FBXL17: variants seen among roughly 807,000 people sequenced by gnomAD.
FBXL17 encodes F-box and leucine rich repeat protein 17.
FBXL17 carries 22 observed loss-of-function variants against 66.2 expected under a neutral mutation model. That is an observed-to-expected ratio of 0.33 (90% CI 0.24 to 0.47). FBXL17 has a LOEUF of 0.47. FBXL17 is among the 20% of genes least tolerant of loss of function. The pLI is 1.00. For synonymous variants in FBXL17, 474 were observed against 400.5 expected, an observed-to-expected ratio of 1.18 and a Z score of -2.19; for missense variants, 878 against 948.2, an observed-to-expected ratio of 0.93 and a Z score of 0.97.
At chr5:108,277,390 A>C (rs1317377475) in intron 4 of FBXL17, among the ~76,000 whole-genome samples, 2 of 152,188 alleles carry the variant, frequency 1.3e-5, no homozygotes, top group African/African-American at 2.4e-5. Flanking sequence ...CTGGGGGAAA[A>C]AATGTAACCT....
chr5:108,238,824 T>G (rs564976058), intron 4 of FBXL17, among the ~76,000 whole-genome samples: 4 of 152,264 alleles, frequency 2.6e-5, no homozygotes, highest in African/African-American at 9.6e-5. Flanking sequence ...CTGTTACTTT[T>G]TATATATGCC....
At chr5:107,995,012 C>T (rs189449923) in intron 7 of FBXL17, among the ~76,000 whole-genome samples, 13 of 152,226 alleles carry the variant, frequency 8.5e-5, no homozygotes, top group Admixed American at 2.6e-4. Context: ...ATGGGGGCAT[C>T]GTGGCAATAA....
intron 1 of FBXL17, among the ~76,000 whole-genome samples, chr5:108,370,268 T>A (rs753632004): frequency 6.6e-6 from 1 of 152,202 alleles, no homozygotes; most frequent in Non-Finnish European, 1.5e-5. Context: ...AGTCAAGGAT[T>A]TGTTGTAATA....
chr5:108,279,062 G>T (rs550978568), intron 4 of FBXL17, among the ~76,000 whole-genome samples: 6 of 152,280 alleles, frequency 3.9e-5, no homozygotes, highest in African/African-American at 1.4e-4. Context: ...AAGCCAGCCT[G>T]CACATTTCAA....
chr5:108,100,318 C>A (rs1342189337), intron 6 of FBXL17, among the ~76,000 whole-genome samples: 1 of 152,088 alleles, frequency 6.6e-6, no homozygotes, highest in Non-Finnish European at 1.5e-5. Flanking sequence ...TAAAAAATTT[C>A]CAACATCTAA....
intron 5 of FBXL17, among the ~76,000 whole-genome samples, chr5:108,207,825 T>C (rs1159645092): frequency 6.6e-6 from 1 of 152,212 alleles, no homozygotes; most frequent in Non-Finnish European, 1.5e-5. Context: ...TATAATCCTT[T>C]GGGTATATAC....
intron 7 of FBXL17, among the ~76,000 whole-genome samples, chr5:107,978,746 A>C (rs760588721): frequency 6.6e-6 from 1 of 152,158 alleles, no homozygotes; most frequent in South Asian, 2.1e-4. Context: ...AAAAAACCCC[A>C]ATCTCCAAGC....
intron 6 of FBXL17, among the ~76,000 whole-genome samples, chr5:108,148,680 G>A (rs1197372663): frequency 7.2e-5 from 11 of 152,286 alleles, no homozygotes; most frequent in South Asian, 6.2e-4. Context: ...GCCAACCTAA[G>A]AGTATAGTGA....
At chr5:108,159,368 T>G (rs1752118889) in intron 6 of FBXL17, among the ~76,000 whole-genome samples, 1 of 152,146 alleles carries the variant, frequency 6.6e-6, no homozygotes, top group African/African-American at 2.4e-5. Flanking sequence ...TATACTACGG[T>G]GTGAATGTCT....
chr5:108,193,014 T>C (rs1753530590), intron 5 of FBXL17, among the ~76,000 whole-genome samples: 1 of 152,206 alleles, frequency 6.6e-6, no homozygotes, highest in Non-Finnish European at 1.5e-5. Flanking sequence ...AAGTTGGAAG[T>C]GTTAATTTTT....
intron 7 of FBXL17, among the ~76,000 whole-genome samples, chr5:107,982,448 TA>T (rs58309120): frequency 0.025 from 3,735 of 148,308 alleles, 150 homozygotes; most frequent in African/African-American, 0.087. Flanking sequence ...CTCAATGCTT[TA>T]AAAAAAAAAC....
At chr5:108,147,658 A>G (rs1751610980) in intron 6 of FBXL17, among the ~76,000 whole-genome samples, 1 of 152,224 alleles carries the variant, frequency 6.6e-6, no homozygotes, top group African/African-American at 2.4e-5. Context: ...GATACTGGCT[A>G]AGAATGTTGA....
intron 7 of FBXL17, among the ~76,000 whole-genome samples, chr5:107,979,647 C>A (rs1752727412): frequency 6.6e-6 from 1 of 152,176 alleles, no homozygotes; most frequent in South Asian, 2.1e-4. Context: ...CAAATGTGGT[C>A]TTCTCTAAAA....
rs530701457 is a variant in FBXL17 at position 108,266,697 on chromosome 5, T to C, written c.1507-42469A>G. On this transcript the variant is annotated intron_variant, in intron 4 of 8. Transcript: ENST00000542267. ...TAAAATCAATGGTAAGAACGAATCTTCTATCTGTGTAATTGTGAAGAAGGA... is the reference window on the plus strand; with the variant it reads ...TAAAATCAATGGTAAGAACGAATCTCCTATCTGTGTAATTGTGAAGAAGGA... Among the ~76,000 whole-genome samples the C allele has an allele frequency of 8.5e-5, 13 of 152,248 alleles. No homozygotes were observed. The South Asian group carries it at 2.1e-3, about 24-fold the overall frequency.
chr5:108,038,773 A>G lies in FBXL17; in HGVS notation c.1746-17772T>C, dbSNP rs146071622. Among the ~76,000 whole-genome samples the G allele has an allele frequency of 7.7e-3, 1,179 of 152,210 alleles. 20 individuals carry two copies. The highest frequency in any genetic ancestry group is 0.027 in the African/African-American group (1,130 of 41,566). On this transcript the variant is annotated intron_variant, in intron 6 of 8. Coordinates refer to ENST00000542267, the MANE Select transcript of FBXL17 (RefSeq NM_001163315.3). Reference sequence around the variant, plus strand: ...ATTAGATGTGAGTGAGATAATTGTAAAAATTTAGAGAATGTAAAAGTTGGT... The same window carrying G: ...ATTAGATGTGAGTGAGATAATTGTAGAAATTTAGAGAATGTAAAAGTTGGT...
intron 7 of FBXL17, among the ~76,000 whole-genome samples, chr5:107,992,577 A>T (rs924701658): frequency 6.6e-6 from 1 of 152,194 alleles, no homozygotes; most frequent in Admixed American, 6.5e-5. Flanking sequence ...CACTTGTGTC[A>T]CTGAAACAGG....
intron 7 of FBXL17, among the ~76,000 whole-genome samples, chr5:107,994,850 A>C (rs10055112): frequency 0.13 from 19,380 of 151,974 alleles, 3,338 homozygotes; most frequent in African/African-American, 0.39. Flanking sequence ...AAAAAACAAA[A>C]ACAAAAACAA....
intron 4 of FBXL17, among the ~76,000 whole-genome samples, chr5:108,238,855 C>T (rs534316991): frequency 1.0e-3 from 157 of 152,134 alleles, no homozygotes; most frequent in South Asian, 7.0e-3. Flanking sequence ...GTGTGGTTAA[C>T]GTGGAAAGCA....
chr5:108,329,536 C>T (rs1760019113), intron 4 of FBXL17, among the ~76,000 whole-genome samples: 1 of 152,104 alleles, frequency 6.6e-6, no homozygotes, highest in Non-Finnish European at 1.5e-5. Context: ...AATGCCAAAA[C>T]TCAATTCACT....
Sources: gnomAD v4.1 joint callset for allele counts (sites outside exome capture counted in the v4.1 genomes callset) on GRCh38, gnomAD v4.1.1 for gene constraint, MANE v1.5 for transcripts, NCBI Gene and HGNC (gene_info 2026-07-23, HGNC 2026-07-21) for gene names.